Variants in DIS3L2 observed in about 807,000 individuals in gnomAD.
DIS3L2 encodes DIS3-like exonuclease 2.
In DIS3L2, 34 loss-of-function variants were observed where a neutral mutation model predicts 97.5. That is an observed-to-expected ratio of 0.35 (90% CI 0.27 to 0.46). DIS3L2 has a LOEUF of 0.46. Among genes scored for constraint, DIS3L2 ranks in the 20% least tolerant of loss-of-function variants. The probability of loss-of-function intolerance (pLI) is 1.00; values close to 1 mark genes in which losing one functional copy is unlikely to be tolerated. For synonymous variants in DIS3L2, 435 were observed against 445.2 expected (o/e 0.98, Z 0.29); for missense variants, 1,038 against 1,146.0 (o/e 0.91, Z 1.36).
rs937551007 is a variant in DIS3L2, at chr2:232,281,602, C to A, written c.1659+18162C>A. ...GTGGCTGTATGCAGGTGAGGCCACA[C>A]AGCTGACAGGAGGGAACAGATGAGA... is the stretch of plus-strand genomic sequence containing the variant. On this transcript the variant is annotated intron_variant, in intron 13 of 20. Coordinates refer to ENST00000325385, the MANE Select transcript of DIS3L2 (RefSeq NM_152383.5). The surrounding 1 kb of genome is among the most constrained non-coding windows in gnomAD (Gnocchi z 4.1). Among the ~76,000 whole-genome samples, 57 of 152,046 alleles carry A rather than the reference C, an allele frequency of 3.7e-4. No individual in the cohort carries two copies. Among genetic ancestry groups the A allele is most frequent in the African/African-American group, 1.4e-3 (57 of 41,388 alleles).
chr2:232,076,795 C>T (rs1487890690), intron 5 of DIS3L2, among the ~76,000 whole-genome samples: 4 of 151,934 alleles, frequency 2.6e-5, no homozygotes, highest in Admixed American at 2.0e-4. Flanking sequence ...AAACATATTT[C>T]CCAACATATT....
At chr2:232,329,788 C>CAA in intron 14 of DIS3L2, 25 bp from the exon 15 acceptor site, 1 of 1,080,634 alleles carries the variant, frequency 9.3e-7, no homozygotes, top group South Asian at 1.9e-5. Context: ...CCAGCGGTCC[C>CAA]TCCCATCCCA....
intron 11 of DIS3L2, among the ~76,000 whole-genome samples, chr2:232,241,718 CAGA>C: frequency 6.6e-6 from 1 of 152,194 alleles, no homozygotes; most frequent in East Asian, 1.9e-4. Flanking sequence ...CTGTCTTTCT[CAGA>C]AGGACACAAC....
At chr2:232,244,631 G>A (rs1282918136) in intron 11 of DIS3L2, among the ~76,000 whole-genome samples, 1 of 152,236 alleles carries the variant, frequency 6.6e-6, no homozygotes, top group Admixed American at 6.5e-5. Flanking sequence ...CATGTAAAGT[G>A]AGTGGGCCTG....
chr2:232,317,194 G>A (rs188994488), intron 14 of DIS3L2, among the ~76,000 whole-genome samples: 8 of 152,278 alleles, frequency 5.3e-5, no homozygotes, highest in Admixed American at 1.3e-4. Flanking sequence ...TAAGTGCTGC[G>A]GAAACAAGCC....
chr2:232,098,325 TGCC>T (rs1209253336), intron 6 of DIS3L2, among the ~76,000 whole-genome samples: 1 of 151,788 alleles, frequency 6.6e-6, no homozygotes, highest in Non-Finnish European at 1.5e-5. Flanking sequence ...TTCTCATCTC[TGCC>T]AACAGTTAGG....
chr2:232,153,714 G>A (rs1348918502), intron 8 of DIS3L2, among the ~76,000 whole-genome samples: 7 of 144,246 alleles, frequency 4.9e-5, no homozygotes, highest in East Asian at 2.1e-4. Context: ...TCTTTGTGGC[G>A]TTCTCTGTAT....
intron 9 of DIS3L2, among the ~76,000 whole-genome samples, chr2:232,203,941 G>A (rs185888864): frequency 2.0e-5 from 3 of 152,176 alleles, no homozygotes; most frequent in African/African-American, 7.2e-5. Context: ...GAAGAATTTA[G>A]CACACGAGGG....
At chr2:232,323,998 T>C (rs576154666) in intron 14 of DIS3L2, among the ~76,000 whole-genome samples, 2 of 152,168 alleles carry the variant, frequency 1.3e-5, no homozygotes, top group Admixed American at 6.5e-5. Flanking sequence ...CCCAGCAGCC[T>C]GCAATTCAGT....
At chr2:231,976,764 CCTT>C (rs1559508595) in intron 1 of DIS3L2, among the ~76,000 whole-genome samples, 1 of 144,452 alleles carries the variant, frequency 6.9e-6, no homozygotes, top group Non-Finnish European at 1.5e-5. Context: ...TAACACGAAG[CCTT>C]TTTTTTTTTT....
At chr2:232,111,217 A>G (rs1697521151) in intron 6 of DIS3L2, 1 of 471,214 alleles carries the variant, frequency 2.1e-6, no homozygotes, top group Non-Finnish European at 4.4e-6. Context: ...TGAGGCTCAG[A>G]GAAGTTCCTG....
chr2:232,333,756 G>GAATC, intron 16 of DIS3L2, 84 bp from the exon 17 acceptor site: 23 of 1,487,160 alleles, frequency 1.5e-5, no homozygotes, highest in Admixed American at 9.1e-5. Flanking sequence ...CGCTGCCGAC[G>GAATC]GTGAGGCTGT....
chr2:231,975,704 CAAAA>C (rs34710079), intron 1 of DIS3L2, among the ~76,000 whole-genome samples: 28 of 55,406 alleles, frequency 5.1e-4, no homozygotes, highest in Non-Finnish European at 8.3e-4. Flanking sequence ...GACTCCGCCT[CAAAA>C]AAAAAAAAAA....
intron 6 of DIS3L2, among the ~76,000 whole-genome samples, chr2:232,089,318 G>T (rs1447767229): frequency 2.6e-5 from 4 of 152,174 alleles, no homozygotes; most frequent in African/African-American, 9.7e-5. Context: ...GGGTACCCAG[G>T]TTCCTTTTGT....
At chr2:232,131,768 T>C (rs1297053437) in intron 7 of DIS3L2, 3 of 152,044 alleles carry the variant, frequency 2.0e-5, no homozygotes, top group Non-Finnish European at 4.4e-5. Context: ...TCTTGCATAC[T>C]GACATGAGGA....
At chr2:232,000,648 CTTTCCTTTCCTTTCT>C (rs1470964522) in intron 1 of DIS3L2, among the ~76,000 whole-genome samples, 6 of 136,648 alleles carry the variant, frequency 4.4e-5, no homozygotes, top group African/African-American at 1.6e-4. Context: ...CTTTCCTTTC[CTTTCCTTTCCTTTCT>C]CTTTCTCTCT....
intron 6 of DIS3L2, among the ~76,000 whole-genome samples, chr2:232,112,519 C>G (rs1024874283): frequency 1.3e-5 from 2 of 152,180 alleles, no homozygotes; most frequent in African/African-American, 4.8e-5. Flanking sequence ...GGGAAGTCCC[C>G]TTACTGAACT....
At chr2:232,282,525 T>C (rs1694318062) in intron 13 of DIS3L2, among the ~76,000 whole-genome samples, 1 of 152,238 alleles carries the variant, frequency 6.6e-6, no homozygotes, top group African/African-American at 2.4e-5. Flanking sequence ...CTTTCCACTA[T>C]ATAATGGAGT....
At chr2:232,332,611 T>A (rs867041466) in intron 16 of DIS3L2, among the ~76,000 whole-genome samples, 1 of 151,788 alleles carries the variant, frequency 6.6e-6, no homozygotes, top group East Asian at 1.9e-4. Flanking sequence ...TATGCGCTGG[T>A]CCCTAGAGAC....
Sources: gnomAD v4.1 joint callset for allele counts (sites outside exome capture counted in the v4.1 genomes callset) on GRCh38, gnomAD v4.1.1 for gene constraint, Gnocchi (gnomAD v3.1) non-coding constraint, MANE v1.5 for transcripts, NCBI Gene and HGNC (gene_info 2026-07-23, HGNC 2026-07-21) for gene names.